Variants in TCERG1L observed in about 807,000 individuals in gnomAD.
TCERG1L encodes the protein transcription elongation regulator 1 like, also known as transcription elongation regulator 1-like protein.
A neutral mutation model predicts 56.3 loss-of-function variants in TCERG1L; 37 were observed. The observed-to-expected ratio is 0.66, with a 90% CI of 0.51 to 0.87. TCERG1L has a LOEUF of 0.87. TCERG1L is among the 40% of genes least tolerant of loss of function. TCERG1L has a pLI of 0.00. For synonymous variants in TCERG1L, 324 were observed against 326.3 expected (o/e 0.99, Z 0.08); for missense variants, 799 against 774.2 (o/e 1.03, Z -0.38).
intron 3 of TCERG1L, among the ~76,000 whole-genome samples, chr10:131,285,793 A>T (rs1846533859): frequency 6.6e-6 from 1 of 152,234 alleles, no homozygotes; most frequent in African/African-American, 2.4e-5. Context: ...AAATGTGGCT[A>T]TCTTAATCTA....
chr10:131,292,286 CG>C (rs1410783179), intron 3 of TCERG1L, among the ~76,000 whole-genome samples: 4 of 152,092 alleles, frequency 2.6e-5, no homozygotes, highest in Non-Finnish European at 5.9e-5. Context: ...TTTTATCAAA[CG>C]ATGCATCTTC....
intron 4 of TCERG1L, among the ~76,000 whole-genome samples, chr10:131,191,039 T>C (rs542589702): frequency 2.8e-5 from 4 of 144,392 alleles, no homozygotes; most frequent in Admixed American, 1.4e-4. Flanking sequence ...GTAAAATCAA[T>C]GTACACAAAT....
At chr10:131,254,647 A>C (rs1253993113) in intron 4 of TCERG1L, among the ~76,000 whole-genome samples, 1 of 152,124 alleles carries the variant, frequency 6.6e-6, no homozygotes, top group Non-Finnish European at 1.5e-5. Flanking sequence ...AGAGAGGAGG[A>C]GGCACCGTGG....
intron 7 of TCERG1L, among the ~76,000 whole-genome samples, chr10:131,136,444 C>T (rs1845675971): frequency 6.7e-6 from 1 of 150,344 alleles, no homozygotes; most frequent in Non-Finnish European, 1.5e-5. Flanking sequence ...GAGACTGGGG[C>T]CACCTCCGTG....
chr10:131,245,754 G>C (rs373457740), intron 4 of TCERG1L, among the ~76,000 whole-genome samples: 1 of 152,174 alleles, frequency 6.6e-6, no homozygotes, highest in South Asian at 2.1e-4. Flanking sequence ...GGTCGAGTTC[G>C]GAGTTGGCGG....
At chr10:131,218,446 C>A (rs1375234382) in intron 4 of TCERG1L, among the ~76,000 whole-genome samples, 2 of 152,190 alleles carry the variant, frequency 1.3e-5, no homozygotes, top group East Asian at 3.9e-4. Context: ...CAGATGGCAA[C>A]TGAGTAAGTC....
intron 3 of TCERG1L, among the ~76,000 whole-genome samples, chr10:131,288,849 G>A (rs1295578484): frequency 6.6e-6 from 1 of 152,070 alleles, no homozygotes; most frequent in Non-Finnish European, 1.5e-5. Flanking sequence ...GGAGGGCACC[G>A]GACAGACCCT....
chr10:131,130,914 C>T (rs1845611631), intron 8 of TCERG1L, among the ~76,000 whole-genome samples: 1 of 152,040 alleles, frequency 6.6e-6, no homozygotes, highest in Middle Eastern at 3.2e-3. Context: ...CATCAACCCC[C>T]CGGCAAACCC....
chr10:131,146,705 T>G (rs1334945291), intron 6 of TCERG1L, 45 bp from the exon 7 acceptor site: 1 of 1,565,726 alleles, frequency 6.4e-7, no homozygotes. Context: ...CGGAGACACT[T>G]AATTAGAAAG....
Position 131,260,322 on chromosome 10 carries a change from G to T in TCERG1L, c.793C>A (p.Gln265Lys). 1 of 1,456,550 alleles carries T rather than the reference G, an allele frequency of 6.9e-7. No individual in the cohort carries two copies. The highest frequency in any genetic ancestry group is 1.5e-5 in the South Asian group (1 of 65,258). The allele number at this position is 1,456,550 out of a possible 1,614,324, so 90.2% of individuals were successfully genotyped here. Reference sequence around the variant, plus strand: ...GCCAAGGTCAGGAAGTGGCGCGGCTGCACGCTGGAGGGGGACGGGCCCCGG... The same window carrying T: ...GCCAAGGTCAGGAAGTGGCGCGGCTTCACGCTGGAGGGGGACGGGCCCCGG... ...NLRGPSPSSV[Q>K]PRHFLTLAPI... The change falls in exon 4 of 12, where the codon CAG (glutamine) becomes AAG (lysine). Residue 265 changes from glutamine to lysine, a missense_variant. Transcript: ENST00000368642. The surrounding 1 kb of genome is among the most constrained non-coding windows in gnomAD (Gnocchi z 5.8).
chr10:131,166,789 A>C lies in TCERG1L; in HGVS notation c.945+8T>G, dbSNP rs1442319440. The C allele has an allele frequency of 6.2e-7, 1 of 1,613,834 alleles. No homozygotes were observed. The highest frequency in any genetic ancestry group is 1.3e-5 in the African/African-American group (1 of 74,924). ...GTCTTTAACACACACACGAGCCCCGAAACTGACCTTGTCTTCTTTGTCTCC... is the reference window on the plus strand; with the variant it reads ...GTCTTTAACACACACACGAGCCCCGCAACTGACCTTGTCTTCTTTGTCTCC... On this transcript the variant is annotated splice_region_variant and intron_variant, in intron 5 of 11. Transcript: ENST00000368642.
chr10:131,220,126 G>A (rs1845714382), intron 4 of TCERG1L, among the ~76,000 whole-genome samples: 1 of 152,200 alleles, frequency 6.6e-6, no homozygotes, highest in South Asian at 2.1e-4. Flanking sequence ...GAGCCTCCAA[G>A]CCTCGTCCAT....
intron 4 of TCERG1L, among the ~76,000 whole-genome samples, chr10:131,244,524 T>A (rs554088554): frequency 1.3e-5 from 2 of 152,270 alleles, no homozygotes; most frequent in South Asian, 4.1e-4. Flanking sequence ...AGAAGTGTGA[T>A]GCCCCCATGG....
Position 131,092,991 on chromosome 10 carries a change from G to A in TCERG1L, c.*171C>T, listed in dbSNP as rs76672112. 0.13 allele frequency: 79,063 copies of A among 589,016 alleles called. 5,759 individuals carry two copies. The highest frequency in any genetic ancestry group is 0.18 in the Middle Eastern group (392 of 2,180). 36.5% of individuals were successfully genotyped at this position (589,016 alleles called of 1,614,324 possible). A position where few individuals can be genotyped will look rare whatever the true frequency, so the allele number is the denominator to read the frequency against. On this transcript the variant is annotated 3_prime_UTR_variant, in exon 12 of 12. Coordinates refer to ENST00000368642, the MANE Select transcript of TCERG1L (RefSeq NM_174937.4). The stretch of plus-strand genomic sequence containing the variant: ...TCAAACTCTGAATGTACAAAAGAGA[G>A]AGCTTCAATATGAAACAGTAATCCT...
intron 3 of TCERG1L, among the ~76,000 whole-genome samples, chr10:131,295,811 G>C (rs1846684009): frequency 6.6e-6 from 1 of 152,152 alleles, no homozygotes; most frequent in South Asian, 2.1e-4. Flanking sequence ...CCCTACAGTG[G>C]TAACGACCTC....
At chr10:131,259,262 T>C (rs1687996415) in intron 4 of TCERG1L, among the ~76,000 whole-genome samples, 2 of 152,338 alleles carry the variant, frequency 1.3e-5, no homozygotes, top group East Asian at 1.9e-4. Flanking sequence ...GTAGTAGGTA[T>C]ATATTTATGT....
At chr10:131,202,977 A>C (rs565192324) in intron 4 of TCERG1L, among the ~76,000 whole-genome samples, 8 of 152,320 alleles carry the variant, frequency 5.3e-5, no homozygotes, top group Non-Finnish European at 1.0e-4. Context: ...TCCTAAGTGG[A>C]AGTTTGAGTG....
At chr10:131,302,608 CTTTTTT>C (rs35380771) in intron 3 of TCERG1L, among the ~76,000 whole-genome samples, 36,604 of 142,952 alleles carry the variant, frequency 0.26, 4,967 homozygotes, top group South Asian at 0.37. Context: ...CCTCCCAATT[CTTTTTT>C]TTTTTTTTCT....
At chr10:131,134,478 A>G in intron 7 of TCERG1L, 30 bp from the exon 8 acceptor site, 4 of 1,563,430 alleles carry the variant, frequency 2.6e-6, no homozygotes, top group Non-Finnish European at 3.5e-6. Flanking sequence ...ACAGGGTTAG[A>G]GTTGTCAGAG....
Sources: gnomAD v4.1 joint callset for allele counts (sites outside exome capture counted in the v4.1 genomes callset) on GRCh38, gnomAD v4.1.1 for gene constraint, Gnocchi (gnomAD v3.1) non-coding constraint, MANE v1.5 for transcripts, NCBI Gene and HGNC (gene_info 2026-07-23, HGNC 2026-07-21) for gene names.